Variants in ZNF404 observed in about 807,000 individuals in gnomAD.
The protein encoded by ZNF404 is zinc finger protein 404.
Under a neutral mutation model 7.3 loss-of-function variants are expected in ZNF404, and 7 were observed. That is an observed-to-expected ratio of 0.95 (90% CI 0.54 to 1.79). ZNF404 has a LOEUF of 1.79. ZNF404 is among the 40% of genes most tolerant of loss of function. The pLI is 0.00. For missense variants in ZNF404, 560 were observed against 661.5 expected (o/e 0.85, Z 1.68); for synonymous variants, 191 against 209.9 (o/e 0.91, Z 0.78).
chr19:43,880,150 C>A lies in ZNF404; in HGVS notation c.10-14G>T. The A allele has an allele frequency of 6.3e-7, 1 of 1,595,798 alleles. No individual in the cohort carries two copies. Among genetic ancestry groups the A allele is most frequent in the Non-Finnish European group, 8.5e-7 (1 of 1,173,052 alleles). On this transcript the variant is annotated splice_polypyrimidine_tract_variant and intron_variant, in intron 1 of 2. Coordinates refer to ENST00000587539, the MANE Select transcript of ZNF404 (RefSeq NM_001033719.3). ...TGTCAATGGCACCTGAAATGACAAACCTGTGTATTATTTGTAAAAGTAAAG... is the reference window on the plus strand; with the variant it reads ...TGTCAATGGCACCTGAAATGACAAAACTGTGTATTATTTGTAAAAGTAAAG...
chr19:43,874,364 A>G (rs184852565), intron 2 of ZNF404, among the ~76,000 whole-genome samples: 150 of 152,234 alleles, frequency 9.9e-4, no homozygotes, highest in African/African-American at 3.5e-3. Flanking sequence ...TACATACACT[A>G]TCTTTTAGAT....
chr19:43,880,065 C>G lies in ZNF404; in HGVS notation c.81G>C (p.Gln27His). ...QEEWEYLNSD[Q>H]RDLYRDVMLE... is the part of the protein sequence containing the mutation. ...ACATCACATCTCTGTACAAATCCCT[C>G]TGATCCGAGTTTAAATATTCCCACT... Residue 27 changes from glutamine to histidine, a missense_variant, in exon 2 of 3, where the codon CAG becomes CAC. Gln to His is a conservative substitution (Grantham distance 24, BLOSUM62 0). Coordinates refer to ENST00000587539, the MANE Select transcript of ZNF404 (RefSeq NM_001033719.3). The G allele has an allele frequency of 6.2e-7, 1 of 1,613,782 alleles. No homozygotes were observed. The highest frequency in any genetic ancestry group is 8.5e-7 in the Non-Finnish European group (1 of 1,179,762).
rs767832824 is a variant in ZNF404, at chr19:43,873,835, T to C, written c.379A>G (p.Arg127Gly). 2.4e-5 allele frequency: 38 copies of C among 1,611,092 alleles called. No individual in the cohort carries two copies. In the South Asian group the frequency reaches 4.2e-4, roughly 18 times the overall value. ...TCCTTACACTCATATGATTTCTCTC[T>C]TGTGTTATTTCTCTTATGTAGAGGA... ...SLPLHKRNNT[R>G]EKSYECKEYK... The change falls in exon 3 of 3, where the codon AGA (arginine) becomes GGA (glycine). Residue 127 changes from arginine (R) to glycine (G), a missense_variant. By Grantham distance (125) the Arg-to-Gly change is moderately radical (BLOSUM62 -2). Transcript: ENST00000587539.
intron 1 of ZNF404, among the ~76,000 whole-genome samples, chr19:43,882,386 T>G (rs1024306355): frequency 6.6e-6 from 1 of 152,126 alleles, no homozygotes; most frequent in Non-Finnish European, 1.5e-5. Flanking sequence ...AACATAAAAC[T>G]ATAGAGCTTC....
chr19:43,874,100 A>G (rs1329934021), intron 2 of ZNF404, 23 bp from the exon 3 acceptor site: 1 of 1,475,996 alleles, frequency 6.8e-7, no homozygotes, highest in Non-Finnish European at 9.0e-7. Flanking sequence ...GAAAAAACAA[A>G]CAAATGCTAT....
rs529922857 is a variant in ZNF404 at position 43,883,490 on chromosome 19, C to A, written c.9+466G>T. Among the ~76,000 whole-genome samples the A allele has an allele frequency of 1.9e-3, 284 of 152,300 alleles. 1 individual carries two copies. Among genetic ancestry groups the A allele is most frequent in the Admixed American group, 5.9e-3 (90 of 15,304 alleles). ...TCTAGGTAAGTGATAATCCCATCTT[C>A]ACTCAAACCTAAATGCGTTTCAAAG... On this transcript the variant is annotated intron_variant, in intron 1 of 2. Coordinates refer to ENST00000587539, the MANE Select transcript of ZNF404 (RefSeq NM_001033719.3).
chr19:43,873,200 C>CTTAA lies in ZNF404; in HGVS notation c.1013_1014insTTAA (p.Lys338AsnfsTer2). 1 of 1,612,564 alleles carries CTTAA rather than the reference C, an allele frequency of 6.2e-7. No individual in the cohort carries two copies. The highest frequency in any genetic ancestry group is 8.5e-7 in the Non-Finnish European group (1 of 1,178,794). On this transcript the variant is annotated stop_gained and frameshift_variant, in exon 3 of 3. Transcript: ENST00000587539. LOFTEE classifies it low-confidence loss of function (END_TRUNC). ...TCTTATGTTTAAGAAGGCTTGAGCCCTTACCAAAAGCCTTTCCACATTCCA... is the reference window on the plus strand; with the variant it reads ...TCTTATGTTTAAGAAGGCTTGAGCCCTTAATTACCAAAAGCCTTTCCACATTCCA...
At chr19:43,878,270 C>T (rs978173286) in intron 2 of ZNF404, among the ~76,000 whole-genome samples, 1 of 148,048 alleles carries the variant, frequency 6.8e-6, no homozygotes, top group Non-Finnish European at 1.5e-5. Flanking sequence ...TTAATGATTG[C>T]CATTCTAACT....
chr19:43,879,330 A>T (rs1476317488), intron 2 of ZNF404, among the ~76,000 whole-genome samples: 1 of 152,214 alleles, frequency 6.6e-6, no homozygotes, highest in East Asian at 1.9e-4. Flanking sequence ...ACTCCATCAT[A>T]TGAAAAATAG....
At chr19:43,881,308 T>C (rs1971893273) in intron 1 of ZNF404, among the ~76,000 whole-genome samples, 1 of 152,316 alleles carries the variant, frequency 6.6e-6, no homozygotes, top group South Asian at 2.1e-4. Context: ...TATTCACAGA[T>C]AACATGATTG....
At position 43,873,041 on chromosome 19, in the gene ZNF404, A is replaced by C; in HGVS notation, c.1173T>G (p.Thr391=). ...GAATAAGATATGAATGAAGCTTAAA[A>C]GTCTTCCCACATTCTTTACATTCAT... ...KPHECKECGK[T]FKLHSYLIQH... The change falls in exon 3 of 3, where the codon ACT becomes ACG. Residue 391 remains threonine (T), a synonymous_variant. Coordinates refer to ENST00000587539, the MANE Select transcript of ZNF404 (RefSeq NM_001033719.3). 7.5e-6 allele frequency: 12 copies of C among 1,608,802 alleles called. No homozygotes were observed. Among genetic ancestry groups the C allele is most frequent in the Non-Finnish European group, 1.0e-5 (12 of 1,176,952 alleles).
rs1971882807 is a variant in ZNF404 at position 43,880,015 on chromosome 19, G to A, written c.131C>T (p.Ser44Leu). 1.2e-6 allele frequency: 2 copies of A among 1,613,572 alleles called. No homozygotes were observed. The highest frequency in any genetic ancestry group is 1.7e-6 in the Non-Finnish European group (2 of 1,179,606). Residue 44 changes from serine to leucine, a missense_variant, in exon 2 of 3, where the codon TCA (serine) becomes TTA (leucine). Coordinates refer to ENST00000587539, the MANE Select transcript of ZNF404 (RefSeq NM_001033719.3). ...TTTTGTGCAGATATTCTTACCCAAT[G>A]AGACCAAGTTAGTATAATTCTCCAA... ...VMLENYTNLV[S>L]LDFNFTTESN...
At chr19:43,880,371 AAT>A (rs1208106780) in intron 1 of ZNF404, among the ~76,000 whole-genome samples, 7 of 152,170 alleles carry the variant, frequency 4.6e-5, no homozygotes, top group African/African-American at 7.2e-5. Context: ...GAAAAATCCA[AAT>A]ATATAAAAAT....
Position 43,872,644 on chromosome 19 carries a change from T to A in ZNF404, c.1570A>T (p.Lys524Ter). The A allele has an allele frequency of 1.2e-6, 2 of 1,612,944 alleles. No homozygotes were observed. Among genetic ancestry groups the A allele is most frequent in the Non-Finnish European group, 1.7e-6 (2 of 1,179,390 alleles). The part of the protein sequence containing the change: ...ETIHTGVKPQ[K>*]CKECGKAFSH... ...AAGGCCTTACCACATTCTTTGCATT[T>A]CTGTGGTTTCACACCAGTATGAATT... is the stretch of plus-strand genomic sequence containing the variant. The change falls in exon 3 of 3, where the codon AAA becomes TAA. Residue 524 changes from lysine (K) to a stop codon, truncating the protein, a stop_gained. Coordinates refer to ENST00000587539, the MANE Select transcript of ZNF404 (RefSeq NM_001033719.3). LOFTEE classifies it low-confidence loss of function (END_TRUNC). This position sits in a 1 kb window ranked among gnomAD's most constrained non-coding sequence, Gnocchi z 4.4.
At chr19:43,878,337 T>C (rs923564039) in intron 2 of ZNF404, among the ~76,000 whole-genome samples, 51 of 152,176 alleles carry the variant, frequency 3.4e-4, no homozygotes, top group Admixed American at 2.8e-3. Flanking sequence ...TGGCCAGTGA[T>C]GGTGAGCATT....
At chr19:43,878,506 C>T (rs1021342553) in intron 2 of ZNF404, among the ~76,000 whole-genome samples, 11 of 151,688 alleles carry the variant, frequency 7.3e-5, no homozygotes, top group East Asian at 3.9e-4. Context: ...GAGTAGGTTG[C>T]GAAAATTTTC....
At position 43,881,036 on chromosome 19, in the gene ZNF404, CA is replaced by C. The variant is rs577927512; in HGVS notation, c.10-901del. ...AGAAAAGGCATCTGACAAAAGCCAA[CA>C]TCCACTGCTGATATCCTTGGTGAAA... On this transcript the variant is annotated intron_variant, in intron 1 of 2. Coordinates refer to ENST00000587539, the MANE Select transcript of ZNF404 (RefSeq NM_001033719.3). Among the ~76,000 whole-genome samples the C allele has an allele frequency of 7.8e-4, 119 of 152,306 alleles. No individual in the cohort carries two copies. In the South Asian group the frequency reaches 0.017, roughly 22 times the overall value.
Position 43,873,838 on chromosome 19 carries a change from T to A in ZNF404, c.376A>T (p.Thr126Ser). The A allele has an allele frequency of 2.5e-6, 4 of 1,608,642 alleles. No individual in the cohort carries two copies. The highest frequency in any genetic ancestry group is 2.5e-6 in the Non-Finnish European group (3 of 1,179,520). Residue 126 changes from threonine (T) to serine (S), a missense_variant, in exon 3 of 3, where the codon ACA becomes TCA. Thr to Ser is a moderately conservative substitution (Grantham distance 58, BLOSUM62 1). Transcript: ENST00000587539. ...TTACACTCATATGATTTCTCTCTTG[T>A]GTTATTTCTCTTATGTAGAGGAAGG... ...KSLPLHKRNN[T>S]REKSYECKEY...
intron 2 of ZNF404, among the ~76,000 whole-genome samples, chr19:43,876,949 C>A (rs1405872744): frequency 2.6e-5 from 4 of 152,128 alleles, no homozygotes; most frequent in Admixed American, 6.5e-5. Flanking sequence ...AAGAAACTGT[C>A]ACAGGTAGGA....
Sources: allele counts gnomAD v4.1 joint callset (sites outside exome capture counted in the v4.1 genomes callset), GRCh38; gene constraint gnomAD v4.1.1; non-coding constraint Gnocchi (gnomAD v3.1); transcripts MANE v1.5; gene names NCBI Gene and HGNC (gene_info 2026-07-23, HGNC 2026-07-21).